ZFAND3: variants seen among roughly 807,000 people sequenced by gnomAD.
ZFAND3 encodes the protein AN1-type zinc finger protein 3.
A neutral mutation model predicts 29.6 loss-of-function variants in ZFAND3; 10 were observed. That is an observed-to-expected ratio of 0.34 (90% CI 0.21 to 0.57). ZFAND3 has a LOEUF of 0.57. Ranked by LOEUF, ZFAND3 falls within the 20% of genes least tolerant of loss-of-function variation. The pLI is 0.86. For missense variants in ZFAND3, 230 were observed against 304.5 expected, an observed-to-expected ratio of 0.76 and a Z score of 1.82; for synonymous variants, 128 against 112.6, an observed-to-expected ratio of 1.14 and a Z score of -0.87.
chr6:38,045,657 A>G (rs1486406152), intron 2 of ZFAND3, among the ~76,000 whole-genome samples: 1 of 152,198 alleles, frequency 6.6e-6, no homozygotes, highest in African/African-American at 2.4e-5. Flanking sequence ...AAATAAGATT[A>G]TGGTATTTTA....
Position 38,035,828 on chromosome 6 carries a change from A to G in ZFAND3, c.113-25765A>G, listed in dbSNP as rs547995611. 3.1e-3 allele frequency among the ~76,000 whole-genome samples: 471 copies of G among 152,310 alleles called. 3 individuals are homozygous for G. Among genetic ancestry groups the G allele is most frequent in the African/African-American group, 0.011 (448 of 41,570 alleles). ...GAGCTTGGTTGACCTTCTAGGTGAA[A>G]AGGCCATTTAGTTAAAATTATTTAA... On this transcript the variant is annotated intron_variant, in intron 2 of 5. Coordinates refer to ENST00000287218, the MANE Select transcript of ZFAND3 (RefSeq NM_021943.3).
intron 2 of ZFAND3, among the ~76,000 whole-genome samples, chr6:37,958,175 T>C (rs1217572663): frequency 1.3e-5 from 2 of 152,230 alleles, no homozygotes; most frequent in Non-Finnish European, 2.9e-5. Context: ...TCATTTAGGC[T>C]GGGCATGATG....
At chr6:37,891,945 TCTCGAACC>T (rs775414934) in intron 1 of ZFAND3, among the ~76,000 whole-genome samples, 6 of 152,110 alleles carry the variant, frequency 3.9e-5, no homozygotes, top group Non-Finnish European at 8.8e-5. Flanking sequence ...CCCAGGTTAG[TCTCGAACC>T]CCTGAACTCA....
intron 2 of ZFAND3, among the ~76,000 whole-genome samples, chr6:37,981,156 A>T (rs1303365696): frequency 1.3e-5 from 2 of 152,210 alleles, no homozygotes; most frequent in Non-Finnish European, 1.5e-5. Context: ...CTAGAGGCTG[A>T]TAGGGATGCT....
At chr6:37,911,656 T>C (rs747909300) in intron 1 of ZFAND3, among the ~76,000 whole-genome samples, 55 of 152,346 alleles carry the variant, frequency 3.6e-4, no homozygotes, top group Non-Finnish European at 6.6e-4. Flanking sequence ...TAATGCATCC[T>C]TTTTGCACTT....
chr6:38,129,958 A>G (rs1765711823), intron 5 of ZFAND3, among the ~76,000 whole-genome samples: 1 of 152,036 alleles, frequency 6.6e-6, no homozygotes, highest in South Asian at 2.1e-4. Flanking sequence ...TGAGCATGGG[A>G]TGTGTTTCCA....
At chr6:38,064,156 A>T (rs574833857) in intron 3 of ZFAND3, among the ~76,000 whole-genome samples, 2 of 152,238 alleles carry the variant, frequency 1.3e-5, no homozygotes, top group African/African-American at 4.8e-5. Context: ...TGGGTTAAGA[A>T]CTCCTGGTCT....
intron 2 of ZFAND3, among the ~76,000 whole-genome samples, chr6:37,936,591 A>G (rs1761702524): frequency 6.6e-6 from 1 of 152,252 alleles, no homozygotes. Context: ...GAAATTTGCT[A>G]TCACGTGGTT....
At chr6:38,112,246 G>A (rs1370696040) in intron 4 of ZFAND3, among the ~76,000 whole-genome samples, 4 of 152,154 alleles carry the variant, frequency 2.6e-5, no homozygotes, top group Non-Finnish European at 5.9e-5. Context: ...CTCTGTGTGG[G>A]TATATCTACT....
intron 1 of ZFAND3, among the ~76,000 whole-genome samples, chr6:37,895,661 G>C (rs1765190462): frequency 6.6e-6 from 1 of 151,824 alleles, no homozygotes; most frequent in Non-Finnish European, 1.5e-5. Context: ...GTCACTGTGG[G>C]TCATATTTTC....
At chr6:37,997,701 A>C (rs1310236991) in intron 2 of ZFAND3, among the ~76,000 whole-genome samples, 1 of 152,212 alleles carries the variant, frequency 6.6e-6, no homozygotes, top group Non-Finnish European at 1.5e-5. Flanking sequence ...GGCCATGACC[A>C]CTGTTTCATT....
In ZFAND3 at chr6:38,152,275, C is replaced by T. The variant is rs760112114; in HGVS notation, c.570C>T (p.His190=). Residue 190 remains histidine, a synonymous_variant, in exon 6 of 6, where the codon CAC becomes CAT. Transcript: ENST00000287218. ...TGTTACATCGCCTCCCCGAGCAGCA[C>T]GACTGCACATTCGACCACATGGGCC... is the stretch of plus-strand genomic sequence containing the variant. ...FCMLHRLPEQ[H]DCTFDHMGRG... is the part of the protein sequence containing the mutation. The T allele has an allele frequency of 1.3e-5, 21 of 1,598,824 alleles. No individual in the cohort carries two copies. In the East Asian group the frequency reaches 3.2e-4, roughly 24 times the overall value.
At chr6:38,000,438 A>G (rs988959227) in intron 2 of ZFAND3, among the ~76,000 whole-genome samples, 4 of 152,154 alleles carry the variant, frequency 2.6e-5, no homozygotes, top group Admixed American at 1.3e-4. Context: ...GGTTTAATGG[A>G]CTCACATTTT....
intron 4 of ZFAND3, among the ~76,000 whole-genome samples, chr6:38,104,448 G>GT (rs34602882): frequency 0.057 from 8,613 of 152,076 alleles, 658 homozygotes; most frequent in East Asian, 0.38. Context: ...ATGGGGAGAA[G>GT]TTTTTTTTGT....
chr6:38,127,410 G>A (rs539491966), intron 5 of ZFAND3, among the ~76,000 whole-genome samples: 1 of 152,342 alleles, frequency 6.6e-6, no homozygotes, highest in South Asian at 2.1e-4. Flanking sequence ...GTTTGCAGAT[G>A]AAGCATATTC....
chr6:38,020,152 C>T (rs962510234), intron 2 of ZFAND3, among the ~76,000 whole-genome samples: 1 of 152,166 alleles, frequency 6.6e-6, no homozygotes, highest in Non-Finnish European at 1.5e-5. Context: ...GTGAGATAGA[C>T]AGATTAATGT....
chr6:38,122,874 T>C (rs1396543013), intron 5 of ZFAND3, among the ~76,000 whole-genome samples: 2 of 152,126 alleles, frequency 1.3e-5, no homozygotes, highest in Non-Finnish European at 2.9e-5. Flanking sequence ...TAAAGGAAGA[T>C]TGGGACTCAG....
chr6:38,085,208 G>A (rs907553952), intron 4 of ZFAND3, among the ~76,000 whole-genome samples: 2 of 152,200 alleles, frequency 1.3e-5, no homozygotes, highest in African/African-American at 2.4e-5. Flanking sequence ...GTGCTGTACA[G>A]TGCTTCTACT....
At chr6:37,947,613 A>C (rs1761925517) in intron 2 of ZFAND3, among the ~76,000 whole-genome samples, 1 of 152,192 alleles carries the variant, frequency 6.6e-6, no homozygotes, top group South Asian at 2.1e-4. Context: ...CCCCACATGC[A>C]GTGATTAAGA....
Sources: allele counts gnomAD v4.1 joint callset (sites outside exome capture counted in the v4.1 genomes callset), GRCh38; gene constraint gnomAD v4.1.1; transcripts MANE v1.5; gene names NCBI Gene and HGNC (gene_info 2026-07-23, HGNC 2026-07-21).